The following OCA2 variants were observed in gnomAD, a reference collection of about 807,000 sequenced individuals.
OCA2 encodes P protein.
In OCA2, 77 loss-of-function variants were observed where a neutral mutation model predicts 100.2. The ratio of observed to expected loss-of-function variants is 0.77; its 90% CI spans 0.64 to 0.93. OCA2 has a LOEUF of 0.93. Among genes scored for constraint, OCA2 ranks in the 40% least tolerant of loss-of-function variants. OCA2 has a pLI of 0.00. For missense variants in OCA2, 1,062 were observed against 1,089.1 expected (o/e 0.98, Z 0.35); for synonymous variants, 432 against 439.2 (o/e 0.98, Z 0.21).
At chr15:28,058,381 G>A (rs150542259) in intron 2 of OCA2, among the ~76,000 whole-genome samples, 9 of 152,296 alleles carry the variant, frequency 5.9e-5, no homozygotes, top group Admixed American at 2.0e-4. Context: ...GCCTTTGTCC[G>A]ATTTTTTCTG....
At chr15:27,803,368 T>A (rs1456729598) in intron 23 of OCA2, among the ~76,000 whole-genome samples, 2 of 152,164 alleles carry the variant, frequency 1.3e-5, no homozygotes, top group African/African-American at 4.8e-5. Flanking sequence ...TTGTGGTATA[T>A]CTACACAATG....
At chr15:27,842,887 A>G (rs1425094112) in intron 23 of OCA2, among the ~76,000 whole-genome samples, 1 of 152,178 alleles carries the variant, frequency 6.6e-6, no homozygotes, top group Non-Finnish European at 1.5e-5. Flanking sequence ...ACTATGTGAA[A>G]AGTTCAGTGC....
chr15:27,772,105 C>T (rs1486455108), intron 23 of OCA2, among the ~76,000 whole-genome samples: 1 of 152,250 alleles, frequency 6.6e-6, no homozygotes, highest in Non-Finnish European at 1.5e-5. Context: ...ACGAGGAAGG[C>T]ATCATAGCCA....
chr15:27,892,235 C>CACTT (rs2037491322), intron 19 of OCA2, among the ~76,000 whole-genome samples: 1 of 151,958 alleles, frequency 6.6e-6, no homozygotes, highest in Admixed American at 6.6e-5. Flanking sequence ...ATATATAAAA[C>CACTT]ACTTCACTCC....
intron 17 of OCA2, among the ~76,000 whole-genome samples, chr15:27,953,291 C>T (rs554984158): frequency 1.3e-5 from 2 of 152,290 alleles, no homozygotes; most frequent in East Asian, 3.9e-4. Flanking sequence ...ACATGCAAGG[C>T]CCTCTGTGTC....
At chr15:28,011,943 G>A (rs2042253069) in intron 9 of OCA2, among the ~76,000 whole-genome samples, 1 of 151,074 alleles carries the variant, frequency 6.6e-6, no homozygotes, top group African/African-American at 2.4e-5. Flanking sequence ...GGCCGGCACT[G>A]TGGCTCATGC....
intron 5 of OCA2, among the ~76,000 whole-genome samples, 199 bp downstream of exon 5, chr15:28,024,646 A>G (rs1029485719): frequency 6.6e-6 from 1 of 152,192 alleles, no homozygotes; most frequent in Admixed American, 6.5e-5. Context: ...GGACCACAGC[A>G]GAGGAGCACA....
chr15:27,793,384 C>T (rs1304926146), intron 23 of OCA2, among the ~76,000 whole-genome samples: 1 of 147,352 alleles, frequency 6.8e-6, no homozygotes, highest in Non-Finnish European at 1.5e-5. Flanking sequence ...CCTGGTAAAA[C>T]AATGAGCAGG....
chr15:28,062,516 CT>C (rs1254185848), intron 2 of OCA2, among the ~76,000 whole-genome samples: 25 of 152,284 alleles, frequency 1.6e-4, no homozygotes, highest in African/African-American at 6.0e-4. Flanking sequence ...TGTTGCTTGT[CT>C]TTCCACTTCT....
At chr15:27,924,459 G>A (rs1246525250) in intron 19 of OCA2, among the ~76,000 whole-genome samples, 1 of 151,690 alleles carries the variant, frequency 6.6e-6, no homozygotes, top group African/African-American at 2.4e-5. Flanking sequence ...TAATTGAAAT[G>A]ATAAAACTAT....
chr15:28,036,682 T>C lies in OCA2; in HGVS notation c.228-4519A>G, dbSNP rs118163203. 9.9e-3 allele frequency among the ~76,000 whole-genome samples: 1,498 copies of C among 151,988 alleles called. 17 individuals are homozygous for C. The highest frequency in any genetic ancestry group is 0.031 in the Middle Eastern group (9 of 294). On this transcript the variant is annotated intron_variant, in intron 2 of 23. Transcript: ENST00000354638. ...AAACACTTAACAATCCTATGATGCT[T>C]ATATCATCATATTGACAAAAAATGA...
At chr15:28,057,927 G>T (rs563932875) in intron 2 of OCA2, among the ~76,000 whole-genome samples, 1 of 152,150 alleles carries the variant, frequency 6.6e-6, no homozygotes, top group East Asian at 1.9e-4. Flanking sequence ...TGGACCCTGT[G>T]ACTACTGGAT....
At chr15:27,788,877 ATTTGT>A (rs1021632998) in intron 23 of OCA2, among the ~76,000 whole-genome samples, 1 of 151,618 alleles carries the variant, frequency 6.6e-6, no homozygotes, top group African/African-American at 2.4e-5. Context: ...TGTGTTTTCA[ATTTGT>A]TTTTAGTAAT....
At chr15:28,071,824 C>A (rs181505223) in intron 2 of OCA2, among the ~76,000 whole-genome samples, 149 of 152,240 alleles carry the variant, frequency 9.8e-4, no homozygotes, top group Non-Finnish European at 1.7e-3. Flanking sequence ...TCCTGGAAGA[C>A]AACTTAGGAA....
the OCA2 span, among the ~76,000 whole-genome samples, chr15:27,739,323 A>G: frequency 6.6e-6 from 1 of 152,092 alleles, no homozygotes; most frequent in South Asian, 2.1e-4. Context: ...TGTCTTTATA[A>G]GGGATAGCAG....
chr15:27,797,319 A>G (rs1161431201), intron 23 of OCA2, among the ~76,000 whole-genome samples: 1 of 152,180 alleles, frequency 6.6e-6, no homozygotes. Context: ...TGTGTATGGC[A>G]ATCCCTGGAG....
At chr15:27,819,181 A>G (rs1439433361) in intron 23 of OCA2, among the ~76,000 whole-genome samples, 1 of 152,246 alleles carries the variant, frequency 6.6e-6, no homozygotes, top group Non-Finnish European at 1.5e-5. Flanking sequence ...CAACTAAGGA[A>G]CATACACCCA....
intron 22 of OCA2, among the ~76,000 whole-genome samples, chr15:27,847,486 C>CA (rs1377419465): frequency 6.6e-6 from 1 of 152,108 alleles, no homozygotes; most frequent in Non-Finnish European, 1.5e-5. Context: ...TATTGGTCAG[C>CA]AAAATGAGAC....
intron 9 of OCA2, among the ~76,000 whole-genome samples, chr15:28,008,480 T>TGC (rs1292352663): frequency 6.6e-6 from 1 of 152,222 alleles, no homozygotes; most frequent in Non-Finnish European, 1.5e-5. Flanking sequence ...TGTTGTCCTC[T>TGC]GCCTTTGCCT....
Sources: allele counts gnomAD v4.1 joint callset (sites outside exome capture counted in the v4.1 genomes callset), GRCh38; gene constraint gnomAD v4.1.1; transcripts MANE v1.5; gene names NCBI Gene and HGNC (gene_info 2026-07-23, HGNC 2026-07-21).